TMTC1: variants seen among roughly 807,000 people sequenced by gnomAD.
TMTC1 encodes the protein transmembrane O-mannosyltransferase targeting cadherins 1, also known as protein O-mannosyl-transferase TMTC1.
In TMTC1, 73 loss-of-function variants were observed where a neutral mutation model predicts 104.8. That is an observed-to-expected ratio of 0.70 (90% CI 0.58 to 0.85). The LOEUF (loss-of-function observed/expected upper bound fraction) is 0.85. Ranked by LOEUF, TMTC1 falls within the 40% of genes least tolerant of loss-of-function variation. TMTC1 has a pLI of 0.00. For synonymous variants in TMTC1, 434 were observed against 428.7 expected (o/e 1.01, Z -0.15); for missense variants, 1,035 against 1,096.1 (o/e 0.94, Z 0.79).
intron 5 of TMTC1, among the ~76,000 whole-genome samples, chr12:29,638,764 T>G (rs1549410): frequency 0.22 from 33,059 of 151,868 alleles, 4,037 homozygotes; most frequent in African/African-American, 0.34. Flanking sequence ...CACCGAAGAA[T>G]CGAGCCACTC....
chr12:29,566,402 C>G (rs1209956201), intron 9 of TMTC1, among the ~76,000 whole-genome samples: 3 of 152,078 alleles, frequency 2.0e-5, no homozygotes, highest in Non-Finnish European at 4.4e-5. Context: ...CCCACTTTCC[C>G]CGTAAGTGAG....
chr12:29,643,766 C>T (rs553735254), intron 5 of TMTC1, among the ~76,000 whole-genome samples: 1,898 of 7,206 alleles, frequency 0.26, 469 homozygotes, highest in Middle Eastern at 0.4. Context: ...TTATAATACA[C>T]ATATATTTAT....
chr12:29,604,139 G>A, intron 7 of TMTC1, 39 bp downstream of exon 7: 5 of 1,610,478 alleles, frequency 3.1e-6, no homozygotes, highest in African/African-American at 1.3e-5. Flanking sequence ...TGGTGACAGA[G>A]GGCAGGTCTT....
chr12:29,653,163 A>T (rs1331277160), intron 5 of TMTC1, among the ~76,000 whole-genome samples: 3 of 152,046 alleles, frequency 2.0e-5, no homozygotes, highest in Non-Finnish European at 4.4e-5. Context: ...TAACGGGTGT[A>T]GGAAACCACT....
intron 11 of TMTC1, among the ~76,000 whole-genome samples, chr12:29,522,847 C>T (rs1322034172): frequency 6.6e-6 from 1 of 152,138 alleles, no homozygotes; most frequent in Non-Finnish European, 1.5e-5. Flanking sequence ...AACAATCATA[C>T]TTATCTTATA....
intron 5 of TMTC1, among the ~76,000 whole-genome samples, chr12:29,655,484 C>G (rs767521760): frequency 2.6e-5 from 4 of 152,138 alleles, no homozygotes; most frequent in Non-Finnish European, 5.9e-5. Flanking sequence ...TCTAAGATGA[C>G]AACGTTGTAA....
At chr12:29,767,570 C>G (rs1943495271) in intron 2 of TMTC1, among the ~76,000 whole-genome samples, 1 of 152,134 alleles carries the variant, frequency 6.6e-6, no homozygotes, top group African/African-American at 2.4e-5. Flanking sequence ...AAACTGTGGC[C>G]ATTCATTACT....
At chr12:29,633,432 C>A in intron 5 of TMTC1, 96 bp from the exon 6 acceptor site, 3 of 996,116 alleles carry the variant, frequency 3.0e-6, no homozygotes, top group Non-Finnish European at 4.3e-6. Flanking sequence ...GCATTTCTAC[C>A]CAGTCAATGT....
chr12:29,609,893 C>T (rs990284801), intron 6 of TMTC1: 12 of 152,422 alleles, frequency 7.9e-5, no homozygotes, highest in African/African-American at 2.9e-4. Flanking sequence ...AACAGCCTCT[C>T]CCACCTCCAA....
At chr12:29,533,253 T>G (rs1166788278) in intron 11 of TMTC1, 1 of 152,152 alleles carries the variant, frequency 6.6e-6, no homozygotes, top group Non-Finnish European at 1.5e-5. Context: ...TCCCCTACTT[T>G]GCGCGAACAG....
At chr12:29,616,682 A>C (rs1312971705) in intron 6 of TMTC1, among the ~76,000 whole-genome samples, 1 of 151,948 alleles carries the variant, frequency 6.6e-6, no homozygotes, top group Non-Finnish European at 1.5e-5. Flanking sequence ...AAAAAAAAAA[A>C]AAAAAAAACA....
At chr12:29,680,426 G>C (rs528016564) in intron 5 of TMTC1, among the ~76,000 whole-genome samples, 1 of 152,276 alleles carries the variant, frequency 6.6e-6, no homozygotes, top group African/African-American at 2.4e-5. Flanking sequence ...ATGAGGCTGG[G>C]TGTGGTGGCT....
chr12:29,582,434 G>C (rs969331421), intron 8 of TMTC1, among the ~76,000 whole-genome samples: 1 of 152,196 alleles, frequency 6.6e-6, no homozygotes, highest in Non-Finnish European at 1.5e-5. Flanking sequence ...CTAGGGACAA[G>C]GGGCAGGCAT....
At chr12:29,776,766 C>T (rs1943718293) in intron 1 of TMTC1, among the ~76,000 whole-genome samples, 1 of 152,110 alleles carries the variant, frequency 6.6e-6, no homozygotes, top group South Asian at 2.1e-4. Context: ...GATCACCTGG[C>T]CACCAGGGAA....
At chr12:29,717,352 C>T (rs964872610) in intron 5 of TMTC1, among the ~76,000 whole-genome samples, 1 of 152,138 alleles carries the variant, frequency 6.6e-6, no homozygotes, top group African/African-American at 2.4e-5. Flanking sequence ...AGAAAGAGCC[C>T]TCTTCTTAGC....
intron 6 of TMTC1, among the ~76,000 whole-genome samples, chr12:29,625,645 A>C (rs1444026377): frequency 1.3e-5 from 2 of 152,244 alleles, no homozygotes; most frequent in African/African-American, 4.8e-5. Flanking sequence ...CCTGAAAGAA[A>C]AGGATCAACA....
chr12:29,644,042 AT>A (rs1212350890), intron 5 of TMTC1, among the ~76,000 whole-genome samples: 16 of 99,452 alleles, frequency 1.6e-4, no homozygotes, highest in African/African-American at 6.7e-4. Context: ...TAAATATATA[AT>A]TTATATATAA....
At chr12:29,687,212 G>C (rs772834064) in intron 5 of TMTC1, among the ~76,000 whole-genome samples, 9 of 152,186 alleles carry the variant, frequency 5.9e-5, no homozygotes, top group Non-Finnish European at 1.0e-4. Context: ...CTTCACAGTA[G>C]AGAAAACTGA....
At chr12:29,642,289 C>T (rs1254797815) in intron 5 of TMTC1, among the ~76,000 whole-genome samples, 1 of 152,156 alleles carries the variant, frequency 6.6e-6, no homozygotes, top group Admixed American at 6.6e-5. Context: ...ACGTTGTCAT[C>T]AGGTTATCCA....
Sources: gnomAD v4.1 joint callset for allele counts (sites outside exome capture counted in the v4.1 genomes callset) on GRCh38, gnomAD v4.1.1 for gene constraint, MANE v1.5 for transcripts, NCBI Gene and HGNC (gene_info 2026-07-23, HGNC 2026-07-21) for gene names.